Variants in VPS26C observed in about 807,000 individuals in gnomAD.
VPS26C encodes VPS26 endosomal protein sorting factor C.
VPS26C carries 19 observed loss-of-function variants against 30.6 expected under a neutral mutation model. The observed-to-expected ratio is 0.62, with a 90% CI of 0.43 to 0.91. The LOEUF is 0.91. Ranked by LOEUF, VPS26C falls within the 40% of genes least tolerant of loss-of-function variation. VPS26C has a pLI of 0.00. For synonymous variants in VPS26C, 132 were observed against 151.5 expected (o/e 0.87, Z 0.95); for missense variants, 318 against 385.1 (o/e 0.83, Z 1.46).
chr21:37,241,879 G>T (rs1338405829), intron 1 of VPS26C, among the ~76,000 whole-genome samples: 1 of 152,136 alleles, frequency 6.6e-6, no homozygotes. Flanking sequence ...AAAAACATCT[G>T]TCCTACTGGT....
Position 37,264,618 on chromosome 21 carries a change from G to T in VPS26C, c.57+2620C>A, listed in dbSNP as rs775657411. Among the ~76,000 whole-genome samples the T allele has an allele frequency of 9.9e-5, 15 of 152,148 alleles. 1 individual carries two copies. The highest frequency in any genetic ancestry group is 2.2e-4 in the Non-Finnish European group (15 of 68,018). On this transcript the variant is annotated intron_variant, in intron 1 of 7. Coordinates refer to ENST00000309117, the MANE Select transcript of VPS26C (RefSeq NM_006052.2). ...AGTCTCCTGTCACTGCCCTCCCATTGTTATTTTGAAACATTTCCAAGCTCC... is the reference window on the plus strand; with the variant it reads ...AGTCTCCTGTCACTGCCCTCCCATTTTTATTTTGAAACATTTCCAAGCTCC...
chr21:37,255,013 T>TGGGGCAGCAGAGGAGAA, intron 1 of VPS26C, among the ~76,000 whole-genome samples: 1 of 152,160 alleles, frequency 6.6e-6, no homozygotes, highest in Non-Finnish European at 1.5e-5. Context: ...GCACTGTTCA[T>TGGGGCAGCAGAGGAGAA]GGGGCAGCAG....
Position 37,257,700 on chromosome 21 carries a change from C to T in VPS26C, c.57+9538G>A, listed in dbSNP as rs1194888794. ...ACAACCCTGCCTTGCTCATGGTCAG[C>T]CCCAAGCACGGGCGGAAGAAAGGAC... On this transcript the variant is annotated intron_variant, in intron 1 of 7. Coordinates refer to ENST00000309117, the MANE Select transcript of VPS26C (RefSeq NM_006052.2). This position sits in a 1 kb window ranked among gnomAD's most constrained non-coding sequence, Gnocchi z 4.2. Among the ~76,000 whole-genome samples the T allele has an allele frequency of 6.6e-6, 1 of 152,096 alleles. No individual in the cohort carries two copies. Among genetic ancestry groups the T allele is most frequent in the Non-Finnish European group, 1.5e-5 (1 of 68,022 alleles).
intron 1 of VPS26C, among the ~76,000 whole-genome samples, chr21:37,248,271 C>T (rs2086157052): frequency 7.2e-6 from 1 of 139,354 alleles, no homozygotes. Flanking sequence ...TTTTCAGTGT[C>T]CATGATATAC....
intron 1 of VPS26C, among the ~76,000 whole-genome samples, chr21:37,246,407 G>A (rs2086137926): frequency 6.6e-6 from 1 of 151,406 alleles, no homozygotes; most frequent in Non-Finnish European, 1.5e-5. Flanking sequence ...TTTTAAATGT[G>A]CAAAAATAAA....
intron 5 of VPS26C, chr21:37,228,978 C>T (rs923656097): frequency 6.6e-6 from 1 of 152,040 alleles, no homozygotes; most frequent in Non-Finnish European, 1.5e-5. Context: ...ATGATTACAC[C>T]AGTGCACTCC....
At chr21:37,246,690 C>G (rs946887797) in intron 1 of VPS26C, among the ~76,000 whole-genome samples, 1 of 152,170 alleles carries the variant, frequency 6.6e-6, no homozygotes, top group Non-Finnish European at 1.5e-5. Flanking sequence ...GAACTAGAAT[C>G]TAGGAAGTAG....
intron 1 of VPS26C, among the ~76,000 whole-genome samples, chr21:37,249,406 T>C (rs2086169632): frequency 6.6e-6 from 1 of 152,208 alleles, no homozygotes; most frequent in African/African-American, 2.4e-5. Flanking sequence ...AGGTATCACA[T>C]ATAAACCAAC....
intron 1 of VPS26C, among the ~76,000 whole-genome samples, chr21:37,242,567 T>C (rs913450254): frequency 6.6e-6 from 1 of 152,080 alleles, no homozygotes; most frequent in Non-Finnish European, 1.5e-5. Flanking sequence ...GCCTGAGTAA[T>C]AGAGTGAGAC....
At chr21:37,253,075 ATTAC>A (rs1437612930) in intron 1 of VPS26C, among the ~76,000 whole-genome samples, 2 of 152,144 alleles carry the variant, frequency 1.3e-5, no homozygotes, top group Non-Finnish European at 2.9e-5. Flanking sequence ...AAATAGTTAT[ATTAC>A]TTTCTGGACA....
At chr21:37,234,822 G>A (rs1417944688) in intron 3 of VPS26C, among the ~76,000 whole-genome samples, 1 of 151,952 alleles carries the variant, frequency 6.6e-6, no homozygotes, top group African/African-American at 2.4e-5. Flanking sequence ...TCTTTATGTA[G>A]AATATATATA....
intron 4 of VPS26C, chr21:37,232,751 T>G (rs1401803765): frequency 4.2e-6 from 2 of 474,526 alleles, no homozygotes; most frequent in African/African-American, 3.9e-5. Flanking sequence ...AAGTACTTAT[T>G]TGAAACCTCA....
chr21:37,225,494 G>T lies in VPS26C; in HGVS notation c.*50C>A, dbSNP rs367651000. ...GCTCCCCTTAGGATTTGGATAACCA[G>T]CTGGATTTCCAGATGGCCACTCCCG... On this transcript the variant is annotated 3_prime_UTR_variant, in exon 8 of 8. Transcript: ENST00000309117. The T allele has an allele frequency of 1.5e-5, 22 of 1,504,204 alleles. No individual in the cohort carries two copies. Among genetic ancestry groups the T allele is most frequent in the Non-Finnish European group, 1.9e-5 (21 of 1,080,252 alleles). The allele number at this position is 1,504,204 out of a possible 1,614,324, so 93.2% of individuals were successfully genotyped here.
At position 37,226,548 on chromosome 21, in the gene VPS26C, G is replaced by GC; in HGVS notation, c.812-923dup. The GC allele has an allele frequency of 6.6e-6, 1 of 152,446 alleles. No individual in the cohort carries two copies. The highest frequency in any genetic ancestry group is 1.5e-5 in the Non-Finnish European group (1 of 68,128). The allele number at this position is 152,446 out of a possible 1,614,324, so 9.4% of individuals were successfully genotyped here. A position where few individuals can be genotyped will look rare whatever the true frequency, so the allele number is the denominator to read the frequency against. On this transcript the variant is annotated intron_variant, in intron 7 of 7. Transcript: ENST00000309117. This position sits in a 1 kb window ranked among gnomAD's most constrained non-coding sequence, Gnocchi z 4.1. Reference sequence around the variant, plus strand: ...ATGGGTTCTCCACCCCTCTTGTTGTGCCCCCCAGAAGGGTGGAGGGTGTGG... The same window carrying GC: ...ATGGGTTCTCCACCCCTCTTGTTGTGCCCCCCCAGAAGGGTGGAGGGTGTGG...
At chr21:37,263,334 A>T (rs1482341807) in intron 1 of VPS26C, among the ~76,000 whole-genome samples, 2 of 152,130 alleles carry the variant, frequency 1.3e-5, no homozygotes. Context: ...TATTCACAGC[A>T]CTCCTACGAA....
chr21:37,239,603 CTT>C (rs11313933), intron 2 of VPS26C, among the ~76,000 whole-genome samples: 425 of 138,264 alleles, frequency 3.1e-3, no homozygotes, highest in Non-Finnish European at 4.2e-3. Context: ...GAGCTGTGAT[CTT>C]TTTTTTTTTT....
intron 5 of VPS26C, 108 bp from the exon 6 acceptor site, chr21:37,228,481 G>A (rs2085927948): frequency 9.1e-6 from 11 of 1,212,332 alleles, no homozygotes; most frequent in Non-Finnish European, 1.3e-5. Context: ...TGGTTACACA[G>A]TCCACCGGGA....
chr21:37,242,859 T>C (rs1289564264), intron 1 of VPS26C, among the ~76,000 whole-genome samples: 3 of 152,158 alleles, frequency 2.0e-5, no homozygotes, highest in Non-Finnish European at 2.9e-5. Context: ...AGGAAAAAAG[T>C]AGTGACATAC....
chr21:37,246,010 A>C (rs145922314), intron 1 of VPS26C, among the ~76,000 whole-genome samples: 1,590 of 152,318 alleles, frequency 0.01, 28 homozygotes, highest in African/African-American at 0.037. Flanking sequence ...AAATTTAAGA[A>C]AGAATTCAAA....
Sources: gnomAD v4.1 joint callset for allele counts (sites outside exome capture counted in the v4.1 genomes callset) on GRCh38, gnomAD v4.1.1 for gene constraint, Gnocchi (gnomAD v3.1) non-coding constraint, MANE v1.5 for transcripts, NCBI Gene and HGNC (gene_info 2026-07-23, HGNC 2026-07-21) for gene names.